WDR27: variants seen among roughly 807,000 people sequenced by gnomAD.
WDR27 encodes the protein WD repeat domain 27.
WDR27 carries 100 observed loss-of-function variants against 114.4 expected under a neutral mutation model. The ratio of observed to expected loss-of-function variants is 0.87; its 90% CI spans 0.74 to 1.03. WDR27 has a LOEUF of 1.03. Among genes scored for constraint, WDR27 ranks in the 50% least tolerant of loss-of-function variants. The pLI is 0.00. For synonymous variants in WDR27, 449 were observed against 423.1 expected (o/e 1.06, Z -0.75); for missense variants, 1,129 against 1,092.9 (o/e 1.03, Z -0.47).
intron 25 of WDR27, among the ~76,000 whole-genome samples, chr6:169,464,139 A>G (rs1309439215): frequency 2.6e-5 from 4 of 152,234 alleles, no homozygotes; most frequent in African/African-American, 9.6e-5. Context: ...CTATTAATAC[A>G]TATCTTCAAT....
chr6:169,452,491 ACGTGGGGTCAGAGAGGAGCCGTG>A (rs71008097), downstream of WDR27, among the ~76,000 whole-genome samples: 32,855 of 98,334 alleles, frequency 0.33, 8,505 homozygotes, highest in Non-Finnish European at 0.44. Context: ...GCAGCCCCGG[ACGTGGGGTCAGAGAGGAGCCGTG>A]CGTGGGGTCA....
At chr6:169,629,927 C>CAAAAAA (rs747455041) in intron 21 of WDR27, among the ~76,000 whole-genome samples, 2 of 52,380 alleles carry the variant, frequency 3.8e-5, no homozygotes, top group Admixed American at 1.7e-4. Flanking sequence ...AACTTCATCT[C>CAAAAAA]AAAAAAAAAA....
chr6:169,501,168 G>A (rs1791170842), intron 25 of WDR27, among the ~76,000 whole-genome samples: 1 of 152,246 alleles, frequency 6.6e-6, no homozygotes, highest in Admixed American at 6.5e-5. Flanking sequence ...CTTTGATCCA[G>A]CAGGAGCTGA....
rs182511937 is a variant in WDR27, at chr6:169,495,387, A to G, written c.2646-37753T>C. Among the ~76,000 whole-genome samples, 775 of 152,172 alleles carry G rather than the reference A, an allele frequency of 5.1e-3. 10 individuals carry two copies. Among genetic ancestry groups the G allele is most frequent in the Middle Eastern group, 0.017 (5 of 294 alleles). On this transcript the variant is annotated intron_variant, in intron 25 of 25. Coordinates refer to ENST00000448612, the MANE Select transcript of WDR27 (RefSeq NM_182552.5). ...AACAACCTAACTTTACAACTTAAGG[A>G]ACTAAAAAACTAAAAGTAAACTAAA...
chr6:169,640,493 G>C (rs1818884145), intron 17 of WDR27, among the ~76,000 whole-genome samples: 1 of 152,210 alleles, frequency 6.6e-6, no homozygotes, highest in Admixed American at 6.5e-5. Flanking sequence ...GCTGGTTAAG[G>C]AAAGCTCCAA....
intron 2 of WDR27, among the ~76,000 whole-genome samples, chr6:169,682,459 T>C (rs962700537): frequency 2.6e-5 from 4 of 152,324 alleles, no homozygotes; most frequent in Non-Finnish European, 5.9e-5. Flanking sequence ...GAAAGCTGTG[T>C]CAACCTCAGA....
At chr6:169,686,693 A>G (rs894921500) in intron 2 of WDR27, among the ~76,000 whole-genome samples, 1 of 152,174 alleles carries the variant, frequency 6.6e-6, no homozygotes, top group African/African-American at 2.4e-5. Context: ...ATGCACTCCC[A>G]TATTTATTGC....
chr6:169,608,677 T>C (rs1012279797), intron 22 of WDR27, among the ~76,000 whole-genome samples: 25 of 152,316 alleles, frequency 1.6e-4, no homozygotes, highest in East Asian at 1.9e-4. Flanking sequence ...AGATGAGATT[T>C]GGGTGGGGAC....
intron 22 of WDR27, among the ~76,000 whole-genome samples, chr6:169,603,458 C>T (rs1217772872): frequency 6.6e-6 from 1 of 151,926 alleles, no homozygotes; most frequent in East Asian, 1.9e-4. Context: ...TACTCATAAT[C>T]CTTCCATTAA....
At chr6:169,443,082 A>C in the WDR27 span, among the ~76,000 whole-genome samples, 1 of 152,208 alleles carries the variant, frequency 6.6e-6, no homozygotes, top group African/African-American at 2.4e-5. Context: ...GACACAAAAC[A>C]TGCAAGGAAA....
rs904327424 is a variant in WDR27, at chr6:169,501,000, G to C, written c.2646-43366C>G. Reference sequence around the variant, plus strand: ...CAGGTCAGAGGCCGGGATTCTCTACGTTTTCGAACTCCTTGCCACCAAGGC... The same window carrying C: ...CAGGTCAGAGGCCGGGATTCTCTACCTTTTCGAACTCCTTGCCACCAAGGC... On this transcript the variant is annotated intron_variant, in intron 25 of 25. Coordinates refer to ENST00000448612, the MANE Select transcript of WDR27 (RefSeq NM_182552.5). Among the ~76,000 whole-genome samples, 6 of 152,318 alleles carry C rather than the reference G, an allele frequency of 3.9e-5. No homozygotes were observed. The East Asian group carries it at 1.2e-3, about 29-fold the overall frequency.
intron 25 of WDR27, among the ~76,000 whole-genome samples, chr6:169,469,285 A>T (rs1056714600): frequency 6.6e-6 from 1 of 152,252 alleles, no homozygotes; most frequent in Non-Finnish European, 1.5e-5. Context: ...AACGAAAGTT[A>T]TATTTTTCCA....
intron 2 of WDR27, among the ~76,000 whole-genome samples, chr6:169,675,136 C>T (rs1241025612): frequency 6.6e-6 from 1 of 152,178 alleles, no homozygotes; most frequent in African/African-American, 2.4e-5. Flanking sequence ...AGGCCTGACA[C>T]CCTCCAAATC....
chr6:169,599,112 A>C (rs1231174034), intron 23 of WDR27, among the ~76,000 whole-genome samples: 2 of 151,880 alleles, frequency 1.3e-5, no homozygotes, highest in African/African-American at 4.8e-5. Context: ...AACATTAGGT[A>C]TATCTCCTAA....
chr6:169,653,946 C>A (rs1170173340), intron 13 of WDR27, among the ~76,000 whole-genome samples: 1 of 152,222 alleles, frequency 6.6e-6, no homozygotes, highest in Non-Finnish European at 1.5e-5. Context: ...GTCAGAGTGA[C>A]CTTGACAAGT....
At chr6:169,577,658 C>T (rs996763975) in intron 24 of WDR27, among the ~76,000 whole-genome samples, 2 of 152,246 alleles carry the variant, frequency 1.3e-5, no homozygotes, top group African/African-American at 4.8e-5. Flanking sequence ...GCAGCCTCCC[C>T]ACCACGGAAC....
intron 6 of WDR27, 131 bp from the exon 7 acceptor site, chr6:169,665,687 T>C: frequency 2.3e-6 from 2 of 863,842 alleles, no homozygotes; most frequent in Non-Finnish European, 3.4e-6. Flanking sequence ...AAGTTTGAAC[T>C]ATTCCAAAAT....
chr6:169,629,914 C>T (rs1480978807), intron 21 of WDR27, among the ~76,000 whole-genome samples: 10 of 121,522 alleles, frequency 8.2e-5, no homozygotes, highest in African/African-American at 1.3e-4. Flanking sequence ...GCGACAAGAG[C>T]GAAACTTCAT....
intron 25 of WDR27, among the ~76,000 whole-genome samples, chr6:169,479,828 C>A (rs1172629926): frequency 1.3e-5 from 2 of 152,168 alleles, no homozygotes; most frequent in Non-Finnish European, 2.9e-5. Flanking sequence ...AACCCTAGTA[C>A]CCATTAGTTA....
Sources: gnomAD v4.1 joint callset for allele counts (sites outside exome capture counted in the v4.1 genomes callset) on GRCh38, gnomAD v4.1.1 for gene constraint, MANE v1.5 for transcripts, NCBI Gene and HGNC (gene_info 2026-07-23, HGNC 2026-07-21) for gene names.